Variants in CSMD1 observed in about 807,000 individuals in gnomAD.
The protein encoded by CSMD1 is CUB and Sushi multiple domains 1.
Under a neutral mutation model 417.5 loss-of-function variants are expected in CSMD1, and 213 were observed. The observed-to-expected ratio is 0.51, with a 90% CI of 0.46 to 0.57. The LOEUF (loss-of-function observed/expected upper bound fraction) is 0.57. Among genes scored for constraint, CSMD1 ranks in the 20% least tolerant of loss-of-function variants. The pLI, the probability that CSMD1 is intolerant of heterozygous loss-of-function variation, is 0.00. For missense variants in CSMD1, 6,923 were observed against 4,529.7 expected (o/e 1.53, Z -15.17); for synonymous variants, 2,862 against 1,736.8 (o/e 1.65, Z -16.11).
At chr8:4,975,179 T>C (rs1247612161) in intron 1 of CSMD1, among the ~76,000 whole-genome samples, 1 of 152,188 alleles carries the variant, frequency 6.6e-6, no homozygotes, top group East Asian at 1.9e-4. Flanking sequence ...GGTCCTACTG[T>C]TTTTAATTCA....
intron 4 of CSMD1, among the ~76,000 whole-genome samples, chr8:4,001,426 G>A (rs975753207): frequency 6.6e-6 from 1 of 152,118 alleles, no homozygotes; most frequent in African/African-American, 2.4e-5. Context: ...AGTTTGTAGG[G>A]CTCCGGGTAG....
chr8:2,962,572 C>G lies in CSMD1; in HGVS notation c.9522G>C (p.Lys3174Asn), dbSNP rs1563184245. 6.2e-7 allele frequency: 1 copy of G among 1,613,902 alleles called. No homozygotes were observed. The highest frequency in any genetic ancestry group is 1.3e-5 in the African/African-American group (1 of 75,030). ...GRLSGKSFTY[K>N]SEVFFQCKSP... ...ATTTGCACTGGAAGAAGACTTCGGACTTATAGGTGAAACTTTTCCCACTAA... is the reference window on the plus strand; with the variant it reads ...ATTTGCACTGGAAGAAGACTTCGGAGTTATAGGTGAAACTTTTCCCACTAA... The change falls in exon 61 of 70, where the codon AAG (lysine) becomes AAC (asparagine). Residue 3174 changes from lysine to asparagine, a missense_variant. By Grantham distance (94) the Lys-to-Asn change is moderately conservative. Transcript: ENST00000635120.
At chr8:3,703,927 C>T (rs946687240) in intron 7 of CSMD1, among the ~76,000 whole-genome samples, 2 of 151,886 alleles carry the variant, frequency 1.3e-5, no homozygotes, top group African/African-American at 2.4e-5. Flanking sequence ...AAAAATTAGT[C>T]GGACATGGTG....
At chr8:4,574,740 A>G (rs538959600) in intron 2 of CSMD1, among the ~76,000 whole-genome samples, 2 of 152,328 alleles carry the variant, frequency 1.3e-5, no homozygotes, top group Admixed American at 6.5e-5. Flanking sequence ...ACACACCTTT[A>G]TCATGAGGTG....
intron 7 of CSMD1, among the ~76,000 whole-genome samples, chr8:3,683,632 C>A (rs377478228): frequency 6.6e-6 from 1 of 152,162 alleles, no homozygotes; most frequent in South Asian, 2.1e-4. Flanking sequence ...AAAACATGTG[C>A]ATACTCTTTT....
intron 3 of CSMD1, among the ~76,000 whole-genome samples, chr8:4,123,439 C>A (rs986843732): frequency 8.5e-5 from 13 of 152,154 alleles, no homozygotes; most frequent in Middle Eastern, 3.4e-3. Context: ...ATATATTTGG[C>A]CTTTAATGTT....
chr8:4,807,921 C>G (rs1312658295), intron 1 of CSMD1, among the ~76,000 whole-genome samples: 1 of 152,184 alleles, frequency 6.6e-6, no homozygotes, highest in Non-Finnish European at 1.5e-5. Flanking sequence ...TCTCTTTCTA[C>G]TGCTTTTCTA....
At chr8:3,679,254 G>A (rs1287258744) in intron 7 of CSMD1, among the ~76,000 whole-genome samples, 1 of 152,262 alleles carries the variant, frequency 6.6e-6, no homozygotes, top group African/African-American at 2.4e-5. Flanking sequence ...TGGATAAAGA[G>A]TCAAGACCCA....
chr8:3,552,624 C>A (rs117278341), intron 10 of CSMD1, among the ~76,000 whole-genome samples: 2 of 152,126 alleles, frequency 1.3e-5, no homozygotes, highest in Non-Finnish European at 2.9e-5. Context: ...TCAAGTGTAA[C>A]GCGTATGCTA....
chr8:3,304,877 A>G (rs1028611066), intron 25 of CSMD1, among the ~76,000 whole-genome samples: 3 of 152,304 alleles, frequency 2.0e-5, no homozygotes, highest in Admixed American at 1.3e-4. Context: ...TTTAAGAAAA[A>G]CAAAAATGTG....
chr8:4,786,495 T>C (rs1319072399), intron 1 of CSMD1, among the ~76,000 whole-genome samples: 1 of 152,226 alleles, frequency 6.6e-6, no homozygotes, highest in Non-Finnish European at 1.5e-5. Context: ...TTTTATTTTA[T>C]TGGCAATGAG....
chr8:4,039,549 A>G (rs1797781331), intron 3 of CSMD1, among the ~76,000 whole-genome samples: 1 of 152,046 alleles, frequency 6.6e-6, no homozygotes. Context: ...AGCAATGAGG[A>G]CCTCCCAGGA....
At chr8:3,524,869 GTATT>G (rs1486627998) in intron 10 of CSMD1, among the ~76,000 whole-genome samples, 27 of 149,334 alleles carry the variant, frequency 1.8e-4, no homozygotes, top group African/African-American at 6.1e-4. Flanking sequence ...TAACATCACT[GTATT>G]TAAGAACAAA....
chr8:3,964,310 G>C (rs117689884), intron 5 of CSMD1, among the ~76,000 whole-genome samples: 2 of 152,128 alleles, frequency 1.3e-5, no homozygotes, highest in Non-Finnish European at 2.9e-5. Context: ...ACAGTCACGC[G>C]GCCATAAGTC....
At chr8:4,021,560 C>T (rs768613785) in intron 4 of CSMD1, among the ~76,000 whole-genome samples, 1 of 152,156 alleles carries the variant, frequency 6.6e-6, no homozygotes, top group Non-Finnish European at 1.5e-5. Context: ...TGAGCAGGTG[C>T]ACCTGGGATC....
intron 5 of CSMD1, among the ~76,000 whole-genome samples, chr8:3,972,932 T>C (rs1813185572): frequency 6.6e-6 from 1 of 152,142 alleles, no homozygotes; most frequent in South Asian, 2.1e-4. Context: ...AAGTAGGAAA[T>C]GAAGGAAATA....
At chr8:4,008,414 AT>A (rs531559253) in intron 4 of CSMD1, among the ~76,000 whole-genome samples, 226 of 150,980 alleles carry the variant, frequency 1.5e-3, no homozygotes, top group Non-Finnish European at 2.1e-3. Context: ...GTATTATATA[AT>A]TTTTTTTTAT....
chr8:4,952,138 C>A (rs1201659550), intron 1 of CSMD1, among the ~76,000 whole-genome samples: 1 of 151,780 alleles, frequency 6.6e-6, no homozygotes, highest in Non-Finnish European at 1.5e-5. Flanking sequence ...ATATCTTGCA[C>A]AAAATAATGT....
intron 1 of CSMD1, 127 bp downstream of exon 1, chr8:4,994,205 C>A (rs943992420): frequency 1.3e-6 from 1 of 781,250 alleles, no homozygotes; most frequent in Non-Finnish European, 2.0e-6. Flanking sequence ...CGAGCTTCGG[C>A]GATGGAGCAG....
Sources: gnomAD v4.1 joint callset for allele counts (sites outside exome capture counted in the v4.1 genomes callset) on GRCh38, gnomAD v4.1.1 for gene constraint, MANE v1.5 for transcripts, NCBI Gene and HGNC (gene_info 2026-07-23, HGNC 2026-07-21) for gene names.